LPA: variants seen among roughly 807,000 people sequenced by gnomAD.
LPA encodes the protein apolipoprotein(a).
Under a neutral mutation model 197.9 loss-of-function variants are expected in LPA, and 199 were observed. The ratio of observed to expected loss-of-function variants is 1.01; its 90% CI spans 0.90 to 1.13. LPA has a LOEUF of 1.13. Among genes scored for constraint, LPA ranks in the 50% most tolerant of loss-of-function variants. The probability of loss-of-function intolerance (pLI) is 0.00; values close to 1 mark genes in which losing one functional copy is unlikely to be tolerated. For synonymous variants in LPA, 715 were observed against 639.5 expected (o/e 1.12, Z -1.78); for missense variants, 1,853 against 1,785.8 (o/e 1.04, Z -0.68).
intron 28 of LPA, among the ~76,000 whole-genome samples, chr6:160,558,354 ACCATTC>A (rs1465589485): frequency 1.3e-5 from 2 of 152,190 alleles, no homozygotes; most frequent in African/African-American, 4.8e-5. Context: ...CCAACATGAT[ACCATTC>A]CCAGGCCAGC....
At chr6:160,600,649 GAGAT>G (rs1335211401) in intron 19 of LPA, among the ~76,000 whole-genome samples, 1 of 152,174 alleles carries the variant, frequency 6.6e-6, no homozygotes, top group African/African-American at 2.4e-5. Context: ...CTAGGACAAT[GAGAT>G]AGCCCCTTTT....
intron 1 of LPA, among the ~76,000 whole-genome samples, chr6:160,658,928 A>G (rs1780175842): frequency 6.6e-6 from 1 of 151,958 alleles, no homozygotes. Context: ...ATATATGTGT[A>G]TATATAGTGA....
chr6:160,558,331 G>A (rs974830415), intron 28 of LPA, among the ~76,000 whole-genome samples: 2 of 152,100 alleles, frequency 1.3e-5, no homozygotes, highest in Admixed American at 6.5e-5. Flanking sequence ...TTACTTCAGG[G>A]AAGAAACAAC....
At chr6:160,579,184 G>T (rs921699371) in intron 26 of LPA, among the ~76,000 whole-genome samples, 1 of 151,968 alleles carries the variant, frequency 6.6e-6, no homozygotes, top group Non-Finnish European at 1.5e-5. Flanking sequence ...TGGCATCCAA[G>T]ATTATATAAT....
At position 160,599,410 on chromosome 6, in the gene LPA, G is replaced by A. The variant is rs949981238; in HGVS notation, c.3287+90C>T. ...TGTTCCTCTGCATCTGAGCCAAGTT[G>A]AGTCCTGAGCAGTCACCTTGAAGCA... On this transcript the variant is annotated intron_variant, in intron 20 of 38. Coordinates refer to ENST00000316300, the MANE Select transcript of LPA (RefSeq NM_005577.4). The A allele has an allele frequency of 2.6e-6, 4 of 1,562,428 alleles. No individual in the cohort carries two copies. In the African/African-American group the frequency reaches 5.4e-5, roughly 21 times the overall value.
chr6:160,648,258 C>T (rs9457986), intron 2 of LPA, among the ~76,000 whole-genome samples: 7,733 of 152,188 alleles, frequency 0.051, 690 homozygotes, highest in African/African-American at 0.18. Context: ...CCGTTCCTTA[C>T]GAGATTTTTC....
intron 1 of LPA, among the ~76,000 whole-genome samples, chr6:160,655,394 G>A (rs141257701): frequency 1.7e-3 from 266 of 152,318 alleles, no homozygotes; most frequent in African/African-American, 6.2e-3. Flanking sequence ...GCGGGGTCAT[G>A]TGGCCCAAAT....
intron 28 of LPA, among the ~76,000 whole-genome samples, chr6:160,576,356 A>G (rs1394584715): frequency 1.9e-4 from 7 of 35,914 alleles, no homozygotes; most frequent in South Asian, 1.1e-3. Flanking sequence ...ATATATATAT[A>G]TATATATATA....
At chr6:160,647,155 T>C (rs1779903201) in intron 2 of LPA, among the ~76,000 whole-genome samples, 1 of 152,150 alleles carries the variant, frequency 6.6e-6, no homozygotes, top group African/African-American at 2.4e-5. Context: ...CCACAGCCAC[T>C]CCAGAACTGG....
chr6:160,605,189 C>A lies in LPA; in HGVS notation c.2802G>T (p.Arg934Ser). ...APSEQAPTEQRPGVQECYHGN... is the reference protein window; with the variant it reads ...APSEQAPTEQSPGVQECYHGN... ...CGTGGTAGCACTCCTGCACCCCAGG[C>A]CTTTGCTCAGTTGGTGCTGAAATGA... The change falls in exon 18 of 39, where the codon AGG (arginine) becomes AGT (serine). Residue 934 changes from arginine to serine, a missense_variant. Physicochemically the swap from Arg to Ser is moderately radical, Grantham distance 110 (BLOSUM62 -1). This residue lies in a region of LPA where 1,737 missense variants were observed against 1,504.4 expected (regional missense o/e 1.15). Transcript: ENST00000316300. 1 of 1,613,866 alleles carries A rather than the reference C, an allele frequency of 6.2e-7. No homozygotes were observed. The highest frequency in any genetic ancestry group is 8.5e-7 in the Non-Finnish European group (1 of 1,179,878).
chr6:160,634,896 AC>A (rs1280682427), intron 7 of LPA, among the ~76,000 whole-genome samples: 1 of 150,140 alleles, frequency 6.7e-6, no homozygotes, highest in Non-Finnish European at 1.5e-5. Context: ...GAAGCCCATC[AC>A]CCTGGAAGGT....
At chr6:160,588,358 T>C (rs1035544202) in intron 24 of LPA, among the ~76,000 whole-genome samples, 1 of 152,116 alleles carries the variant, frequency 6.6e-6, no homozygotes, top group African/African-American at 2.4e-5. Flanking sequence ...TGGAGTCACC[T>C]TGATTCTAGG....
intron 30 of LPA, among the ~76,000 whole-genome samples, chr6:160,553,962 C>G (rs946909590): frequency 2.7e-5 from 1 of 37,288 alleles, no homozygotes; most frequent in South Asian, 6.4e-4. Flanking sequence ...TGTGCGCGCG[C>G]GCGCGTGTGC....
At chr6:160,543,423 A>C (rs1778016290) in intron 33 of LPA, among the ~76,000 whole-genome samples, 1 of 152,178 alleles carries the variant, frequency 6.6e-6, no homozygotes, top group South Asian at 2.1e-4. Context: ...AAAACTATAA[A>C]TATTAATATA....
rs188456907 is a variant in LPA at position 160,611,393 on chromosome 6, T to C, written c.2603+169A>G. Among the ~76,000 whole-genome samples the C allele has an allele frequency of 4.5e-4, 69 of 152,206 alleles. No homozygotes were observed. The East Asian group carries it at 0.01, about 23-fold the overall frequency. On this transcript the variant is annotated intron_variant, in intron 16 of 38. Coordinates refer to ENST00000316300, the MANE Select transcript of LPA (RefSeq NM_005577.4). ...AGGAGGAAGGTGAGGCAGCTTAACA[T>C]TTCTCTTCTCTCAGACCCTTAGCTC...
chr6:160,553,383 CT>C (rs1291870571), intron 30 of LPA, among the ~76,000 whole-genome samples: 1 of 152,066 alleles, frequency 6.6e-6, no homozygotes, highest in African/African-American at 2.4e-5. Flanking sequence ...TGGAAACATT[CT>C]TTTGTTTTTT....
intron 30 of LPA, among the ~76,000 whole-genome samples, chr6:160,549,535 T>A (rs905200759): frequency 6.6e-6 from 1 of 152,206 alleles, no homozygotes; most frequent in Non-Finnish European, 1.5e-5. Flanking sequence ...CCATCCAAGA[T>A]GATATCATTC....
At chr6:160,609,150 C>G (rs1190877081) in intron 16 of LPA, among the ~76,000 whole-genome samples, 6 of 151,844 alleles carry the variant, frequency 4.0e-5, no homozygotes, top group Admixed American at 6.6e-5. Flanking sequence ...TTCTTCTATT[C>G]TTCTTATACC....
chr6:160,547,414 C>T (rs1045599464), intron 32 of LPA, among the ~76,000 whole-genome samples: 2 of 152,164 alleles, frequency 1.3e-5, no homozygotes, highest in Admixed American at 1.3e-4. Context: ...GCAGAAAATA[C>T]AGATGAAGCT....
Sources: allele counts gnomAD v4.1 joint callset (sites outside exome capture counted in the v4.1 genomes callset), GRCh38; gene constraint gnomAD v4.1.1; regional missense constraint gnomAD v4.1.1; transcripts MANE v1.5; gene names NCBI Gene and HGNC (gene_info 2026-07-23, HGNC 2026-07-21).